Variants in RYR2 observed in about 807,000 individuals in gnomAD.
The protein encoded by RYR2 is ryanodine receptor 2, also known as cardiac muscle ryanodine receptor-calcium release channel.
A neutral mutation model predicts 601.1 loss-of-function variants in RYR2; 227 were observed. The ratio of observed to expected loss-of-function variants is 0.38; its 90% CI spans 0.34 to 0.42. The LOEUF is 0.42. Among genes scored for constraint, RYR2 ranks in the 10% least tolerant of loss-of-function variants. RYR2 has a pLI of 1.00. For missense variants in RYR2, 4,646 were observed against 6,156.5 expected (o/e 0.75, Z 8.21); for synonymous variants, 2,223 against 2,175.1 (o/e 1.02, Z -0.61).
chr1:237,639,657 T>C (rs570821593), intron 46 of RYR2, among the ~76,000 whole-genome samples: 5 of 152,290 alleles, frequency 3.3e-5, no homozygotes, highest in African/African-American at 1.2e-4. Context: ...AGGAGTGTGA[T>C]GCTTTGTTGA....
intron 1 of RYR2, among the ~76,000 whole-genome samples, chr1:237,244,580 A>G (rs1416006652): frequency 6.6e-6 from 1 of 152,148 alleles, no homozygotes; most frequent in Non-Finnish European, 1.5e-5. Flanking sequence ...TTGGCCCTAC[A>G]TAAATCAGAC....
At chr1:237,281,076 C>T (rs1313653045) in intron 2 of RYR2, among the ~76,000 whole-genome samples, 3 of 152,168 alleles carry the variant, frequency 2.0e-5, no homozygotes, top group South Asian at 2.1e-4. Flanking sequence ...TGAGCCACCA[C>T]GCCTGGCCTC....
intron 1 of RYR2, among the ~76,000 whole-genome samples, chr1:237,268,981 A>G (rs1572418711): frequency 6.6e-6 from 1 of 150,434 alleles, no homozygotes; most frequent in South Asian, 2.1e-4. Context: ...GGCAAATAAA[A>G]GCATTACCAG....
At chr1:237,475,389 C>T (rs946853790) in intron 17 of RYR2, among the ~76,000 whole-genome samples, 1 of 152,122 alleles carries the variant, frequency 6.6e-6, no homozygotes, top group African/African-American at 2.4e-5. Flanking sequence ...AATTTCTAAG[C>T]AGGCTTTCAT....
At chr1:237,546,996 T>TA (rs58880986) in intron 25 of RYR2, among the ~76,000 whole-genome samples, 25,402 of 113,128 alleles carry the variant, frequency 0.22, 3,578 homozygotes, top group Middle Eastern at 0.31. Context: ...TATATATATA[T>TA]TTATTTATTT....
rs1677479697 is a variant in RYR2 at position 237,172,179 on chromosome 1, T to C, written c.49-98318T>C. On this transcript the variant is annotated intron_variant, in intron 1 of 104. Coordinates refer to ENST00000366574, the MANE Select transcript of RYR2 (RefSeq NM_001035.3). The stretch of plus-strand genomic sequence containing the variant: ...AAATCTTATTCCTTTTTAACCAAGT[T>C]CTTAATGTATGGTCATACAAGGTGA... Among the ~76,000 whole-genome samples the C allele has an allele frequency of 2.0e-5, 3 of 152,352 alleles. No individual in the cohort carries two copies. In the South Asian group the frequency reaches 6.2e-4, roughly 32 times the overall value.
chr1:237,045,985 T>C (rs1374396849), intron 1 of RYR2, among the ~76,000 whole-genome samples: 2 of 151,134 alleles, frequency 1.3e-5, no homozygotes, highest in Non-Finnish European at 2.9e-5. Flanking sequence ...TACCCATAGA[T>C]TGAGACTTAA....
chr1:237,243,685 T>C (rs1286449687), intron 1 of RYR2, among the ~76,000 whole-genome samples: 1 of 152,198 alleles, frequency 6.6e-6, no homozygotes, highest in East Asian at 1.9e-4. Context: ...TTAGGCAAGA[T>C]TAGAGTCCTG....
intron 24 of RYR2, among the ~76,000 whole-genome samples, chr1:237,513,881 A>G (rs949495148): frequency 6.6e-6 from 1 of 152,246 alleles, no homozygotes; most frequent in African/African-American, 2.4e-5. Flanking sequence ...GTATAACTCT[A>G]TATCCTCAAG....
intron 96 of RYR2, among the ~76,000 whole-genome samples, chr1:237,795,839 T>TATATATATATATATAC (rs1170956111): frequency 4.4e-5 from 5 of 113,200 alleles, no homozygotes; most frequent in African/African-American, 2.3e-4. Context: ...TGTGTGTGTA[T>TATATATATATATATAC]ATATATATAT....
chr1:237,532,006 G>A (rs1413397826), intron 25 of RYR2, among the ~76,000 whole-genome samples: 5 of 151,834 alleles, frequency 3.3e-5, no homozygotes, highest in Admixed American at 3.3e-4. Context: ...TTTTATGCTT[G>A]GCAGTCTTTG....
intron 102 of RYR2, 70 bp from the exon 103 acceptor site, chr1:237,830,460 A>G (rs1399123114): frequency 2.2e-6 from 2 of 907,050 alleles, no homozygotes; most frequent in East Asian, 4.8e-5. Flanking sequence ...CTGCCCCTAC[A>G]TGGCGAGTTG....
intron 17 of RYR2, among the ~76,000 whole-genome samples, chr1:237,482,796 G>T (rs1043981772): frequency 2.0e-5 from 3 of 152,148 alleles, no homozygotes; most frequent in Non-Finnish European, 4.4e-5. Context: ...CATAGTGGTT[G>T]TACTAATTTA....
chr1:237,047,574 T>A (rs1228728589), intron 1 of RYR2, among the ~76,000 whole-genome samples: 1 of 152,084 alleles, frequency 6.6e-6, no homozygotes, highest in African/African-American at 2.4e-5. Context: ...TAGCTTCTCT[T>A]CCTTCTTCAA....
At chr1:237,173,976 GA>G (rs1677721667) in intron 1 of RYR2, among the ~76,000 whole-genome samples, 1 of 152,090 alleles carries the variant, frequency 6.6e-6, no homozygotes, top group Admixed American at 6.6e-5. Flanking sequence ...AGAATGGCAT[GA>G]ACCTGGGAGG....
intron 2 of RYR2, among the ~76,000 whole-genome samples, chr1:237,315,517 A>G (rs1011173658): frequency 6.6e-6 from 1 of 152,192 alleles, no homozygotes; most frequent in African/African-American, 2.4e-5. Flanking sequence ...TTGCAATGAG[A>G]TGATAAGTGT....
chr1:237,109,613 C>T (rs1163010949), intron 1 of RYR2, among the ~76,000 whole-genome samples: 2 of 152,102 alleles, frequency 1.3e-5, no homozygotes, highest in Non-Finnish European at 2.9e-5. Flanking sequence ...GCAGCATCTC[C>T]TCTCTGCAGT....
At chr1:237,792,390 T>TGTGC (rs1658536957) in intron 94 of RYR2, 67 bp downstream of exon 94, 1 of 765,940 alleles carries the variant, frequency 1.3e-6, no homozygotes, top group Admixed American at 2.8e-5. Flanking sequence ...TGCGTGTGTG[T>TGTGC]GTGTGTGCGT....
intron 55 of RYR2, 29 bp downstream of exon 55, chr1:237,660,103 TA>T: frequency 7.7e-7 from 1 of 1,303,124 alleles, no homozygotes. Flanking sequence ...TTTTAGTTTG[TA>T]AAGTTTTTAT....
Sources: gnomAD v4.1 joint callset for allele counts (sites outside exome capture counted in the v4.1 genomes callset) on GRCh38, gnomAD v4.1.1 for gene constraint, MANE v1.5 for transcripts, NCBI Gene and HGNC (gene_info 2026-07-23, HGNC 2026-07-21) for gene names.